RYR3: variants seen among roughly 807,000 people sequenced by gnomAD.
RYR3 encodes the protein brain ryanodine receptor-calcium release channel.
A neutral mutation model predicts 584.3 loss-of-function variants in RYR3; 207 were observed. The observed-to-expected ratio is 0.35, with a 90% confidence interval of 0.32 to 0.40. The LOEUF is 0.40. RYR3 is among the 10% of genes least tolerant of loss of function. The pLI, the probability that RYR3 is intolerant of heterozygous loss-of-function variation, is 1.00. For synonymous variants in RYR3, 2,416 were observed against 2,248.5 expected, an observed-to-expected ratio of 1.07 and a Z score of -2.11; for missense variants, 5,616 against 6,089.2, an observed-to-expected ratio of 0.92 and a Z score of 2.59.
At chr15:33,713,440 ATGGT>A (rs1368978055) in intron 43 of RYR3, among the ~76,000 whole-genome samples, 1 of 150,140 alleles carries the variant, frequency 6.7e-6, no homozygotes, top group Admixed American at 6.6e-5. Context: ...ATGGGATATG[ATGGT>A]TGGGTGGTGC....
chr15:33,378,971 A>C (rs1397397667), intron 1 of RYR3, among the ~76,000 whole-genome samples: 1 of 152,224 alleles, frequency 6.6e-6, no homozygotes, highest in Non-Finnish European at 1.5e-5. Flanking sequence ...TCTCAAAAAA[A>C]AAAAAGTGTG....
chr15:33,686,565 T>G (rs759024999), intron 38 of RYR3, among the ~76,000 whole-genome samples: 1 of 152,150 alleles, frequency 6.6e-6, no homozygotes, highest in African/African-American at 2.4e-5. Flanking sequence ...AATCCTCCCT[T>G]ACTCATTTTA....
At chr15:33,835,945 T>C (rs1446636760) in intron 87 of RYR3, among the ~76,000 whole-genome samples, 1 of 152,132 alleles carries the variant, frequency 6.6e-6, no homozygotes. Flanking sequence ...GGTTTCATCA[T>C]CTCTGAAATA....
intron 95 of RYR3, 37 bp downstream of exon 95, chr15:33,853,124 C>T: frequency 1.3e-6 from 2 of 1,520,470 alleles, no homozygotes; most frequent in Non-Finnish European, 1.8e-6. Context: ...CCGTGATCAC[C>T]AAAAAATGTG....
At chr15:33,745,948 T>G in intron 52 of RYR3, 120 bp from the exon 53 acceptor site, 1 of 711,180 alleles carries the variant, frequency 1.4e-6, no homozygotes, top group Middle Eastern at 2.4e-4. Flanking sequence ...TGAGGAGAAT[T>G]TCTAAGCCCT....
chr15:33,542,760 G>A (rs1289835243), intron 7 of RYR3, among the ~76,000 whole-genome samples: 1 of 152,024 alleles, frequency 6.6e-6, no homozygotes, highest in East Asian at 1.9e-4. Flanking sequence ...CACAGACATT[G>A]GGTATATTAA....
intron 1 of RYR3, among the ~76,000 whole-genome samples, chr15:33,466,146 C>T (rs2048469849): frequency 6.6e-6 from 1 of 151,984 alleles, no homozygotes; most frequent in Non-Finnish European, 1.5e-5. Context: ...TTAAAATACA[C>T]CTGTTTTTTA....
intron 10 of RYR3, among the ~76,000 whole-genome samples, chr15:33,551,641 A>G (rs1460609342): frequency 6.6e-6 from 1 of 152,090 alleles, no homozygotes; most frequent in Non-Finnish European, 1.5e-5. Context: ...TCCTGTTCAC[A>G]TCTTCCTAAC....
At chr15:33,717,296 G>A (rs747115873) in intron 43 of RYR3, among the ~76,000 whole-genome samples, 5 of 152,032 alleles carry the variant, frequency 3.3e-5, no homozygotes, top group African/African-American at 9.7e-5. Flanking sequence ...GGTTTAATAC[G>A]CATCTTAAAT....
chr15:33,323,861 T>C (rs747070643), intron 1 of RYR3, among the ~76,000 whole-genome samples: 2 of 152,144 alleles, frequency 1.3e-5, no homozygotes, highest in Non-Finnish European at 2.9e-5. Context: ...TGGTGAGGCC[T>C]GTGGAATACA....
At chr15:33,322,643 A>G (rs1969126856) in intron 1 of RYR3, among the ~76,000 whole-genome samples, 2 of 152,214 alleles carry the variant, frequency 1.3e-5, no homozygotes, top group Admixed American at 1.3e-4. Flanking sequence ...ATTTTATTAT[A>G]TTGGCTCATA....
At chr15:33,756,755 TACTG>T (rs1241395648) in intron 59 of RYR3, among the ~76,000 whole-genome samples, 10 of 152,070 alleles carry the variant, frequency 6.6e-5, no homozygotes, top group Non-Finnish European at 1.2e-4. Flanking sequence ...TCTTTCACCT[TACTG>T]ACCCCAGGCA....
intron 52 of RYR3, among the ~76,000 whole-genome samples, chr15:33,744,818 A>G (rs771493950): frequency 5.9e-5 from 9 of 152,228 alleles, no homozygotes; most frequent in Non-Finnish European, 1.3e-4. Context: ...GGAGAGGTCA[A>G]CATGATCACC....
chr15:33,571,778 T>C (rs2058042141), intron 12 of RYR3, among the ~76,000 whole-genome samples: 1 of 152,198 alleles, frequency 6.6e-6, no homozygotes, highest in African/African-American at 2.4e-5. Context: ...GTATGCTTCA[T>C]CCATTTATAT....
chr15:33,821,448 A>T (rs1378179998), intron 79 of RYR3, 75 bp from the exon 80 acceptor site: 2 of 1,591,594 alleles, frequency 1.3e-6, no homozygotes, highest in Non-Finnish European at 1.7e-6. Flanking sequence ...ATTATTAAAG[A>T]GCCCTGCTAA....
chr15:33,408,264 CT>C (rs1277952982), intron 1 of RYR3, among the ~76,000 whole-genome samples: 1 of 152,160 alleles, frequency 6.6e-6, no homozygotes, highest in East Asian at 1.9e-4. Flanking sequence ...ATTCAGTTTT[CT>C]GTTTCTGTGT....
In RYR3 at chr15:33,769,180, T is replaced by C. The variant is rs200346488; in HGVS notation, c.8816+8T>C. ...TCAGACACTTGACACAAGGTAAGTCTGCCCAGTTTTTCCCAATAGTTTCTC... is the reference window on the plus strand; with the variant it reads ...TCAGACACTTGACACAAGGTAAGTCCGCCCAGTTTTTCCCAATAGTTTCTC... On this transcript the variant is annotated splice_region_variant and intron_variant, in intron 62 of 103. Transcript: ENST00000634891. 1 of 1,608,252 alleles carries C rather than the reference T, an allele frequency of 6.2e-7. No individual in the cohort carries two copies. Among genetic ancestry groups the C allele is most frequent in the East Asian group, 2.2e-5 (1 of 44,864 alleles).
chr15:33,323,213 G>A (rs1358014608), intron 1 of RYR3, among the ~76,000 whole-genome samples: 3 of 151,998 alleles, frequency 2.0e-5, no homozygotes, highest in African/African-American at 4.8e-5. Flanking sequence ...CCAGGTTCAC[G>A]CCATCCTCCT....
In RYR3 at chr15:33,757,665, G is replaced by C; in HGVS notation, c.8705+69G>C. ...TTACTTAAAATGCCAGGTCCCTGTG[G>C]ACTAAAAGGCGAGTCTTTTGGAGAA... is the stretch of plus-strand genomic sequence containing the variant. On this transcript the variant is annotated intron_variant, in intron 60 of 103. Coordinates refer to ENST00000634891, the MANE Select transcript of RYR3 (RefSeq NM_001036.6). The C allele has an allele frequency of 3.9e-6, 6 of 1,529,822 alleles. No individual in the cohort carries two copies. In the South Asian group the frequency reaches 7.2e-5, roughly 18 times the overall value. 94.8% of individuals were successfully genotyped at this position (1,529,822 alleles called of 1,614,324 possible).
Sources: allele counts gnomAD v4.1 joint callset (sites outside exome capture counted in the v4.1 genomes callset), GRCh38; gene constraint gnomAD v4.1.1; transcripts MANE v1.5; gene names NCBI Gene and HGNC (gene_info 2026-07-23, HGNC 2026-07-21).